Variants in GABRG3 observed in about 807,000 individuals in gnomAD.
GABRG3 encodes gamma-aminobutyric acid type A receptor subunit gamma3.
Under a neutral mutation model 48.8 loss-of-function variants are expected in GABRG3, and 25 were observed. The observed-to-expected ratio is 0.51, with a 90% confidence interval of 0.37 to 0.72. The LOEUF (loss-of-function observed/expected upper bound fraction) is 0.72. Among genes scored for constraint, GABRG3 ranks in the 30% least tolerant of loss-of-function variants. GABRG3 has a pLI of 0.00. For missense variants in GABRG3, 394 were observed against 577.9 expected (o/e 0.68, Z 3.26); for synonymous variants, 227 against 217.6 (o/e 1.04, Z -0.38).
chr15:27,343,250 A>C (rs1413239523), intron 5 of GABRG3, among the ~76,000 whole-genome samples: 3 of 152,104 alleles, frequency 2.0e-5, no homozygotes, highest in African/African-American at 7.2e-5. Context: ...TGGCGTGCAG[A>C]AGTCCCTGTG....
At position 27,456,820 on chromosome 15, in the gene GABRG3, G is replaced by C. The variant is rs139635356; in HGVS notation, c.575-23830G>C. ...ATCAGGGCCCCTCCCTAGGAGGCTT[G>C]CTGCCCGTGCCAGGAGGAGCCCAAA... On this transcript the variant is annotated intron_variant, in intron 5 of 9. Coordinates refer to ENST00000615808, the MANE Select transcript of GABRG3 (RefSeq NM_033223.5). 6.4e-3 allele frequency among the ~76,000 whole-genome samples: 972 copies of C among 152,250 alleles called. 12 individuals are homozygous for C. Among genetic ancestry groups the C allele is most frequent in the African/African-American group, 0.022 (925 of 41,550 alleles).
Position 27,113,439 on chromosome 15 carries a change from AAG to A in GABRG3, c.270+86621_270+86622del, listed in dbSNP as rs1595532178. ...CATGTCATGACATAGAATACCAAAG[AAG>A]AGTTACCGGATGGTGAATGCAGAAA... On this transcript the variant is annotated intron_variant, in intron 3 of 9. Transcript: ENST00000615808. Among the ~76,000 whole-genome samples the A allele has an allele frequency of 2.0e-5, 3 of 152,280 alleles. No individual in the cohort carries two copies. The East Asian group carries it at 5.8e-4, about 29-fold the overall frequency.
chr15:27,166,854 AAGATGAT>A (rs1410649274), intron 3 of GABRG3, among the ~76,000 whole-genome samples: 1 of 152,198 alleles, frequency 6.6e-6, no homozygotes, highest in Admixed American at 6.5e-5. Context: ...ACGTATTTTA[AAGATGAT>A]AGGATGTCTC....
chr15:27,251,415 G>A lies in GABRG3; in HGVS notation c.271-75394G>A, dbSNP rs545202471. ...TATCTTCTGCTCAGAGACGCAAAGG[G>A]AGCCCAGGAAACTTGGACAGTGTAG... is the stretch of plus-strand genomic sequence containing the variant. On this transcript the variant is annotated intron_variant, in intron 3 of 9. Transcript: ENST00000615808. 5.3e-5 allele frequency among the ~76,000 whole-genome samples: 8 copies of A among 152,236 alleles called. No homozygotes were observed. The East Asian group carries it at 1.6e-3, about 30-fold the overall frequency.
chr15:27,093,383 G>A (rs932951634), intron 3 of GABRG3, among the ~76,000 whole-genome samples: 3 of 152,104 alleles, frequency 2.0e-5, no homozygotes, highest in East Asian at 1.9e-4. Context: ...TGAGAAGAGC[G>A]TATGAAGCAC....
In GABRG3 at chr15:27,308,168, A is replaced by G. The variant is rs1566773263; in HGVS notation, c.271-18641A>G. 1.7e-3 allele frequency among the ~76,000 whole-genome samples: 22 copies of G among 13,158 alleles called. No homozygotes were observed. The East Asian group carries it at 0.029, about 17-fold the overall frequency. 8.6% of individuals were successfully genotyped at this position (13,158 alleles called of 152,430 possible). Reference sequence around the variant, plus strand: ...TACATCCAAACATATATAAACATATATGTTTATATATCCAAACATATATAA... The same window carrying G: ...TACATCCAAACATATATAAACATATGTGTTTATATATCCAAACATATATAA... On this transcript the variant is annotated intron_variant, in intron 3 of 9. Transcript: ENST00000615808.
rs1894899580 is a variant in GABRG3, at chr15:26,974,428, T to C, written c.54-2574T>C. ...AAAGCTGGTTACTGTGCTCGGTTTG[T>C]GTGTATGTGATTATCAGGGCCATAG... On this transcript the variant is annotated intron_variant, in intron 1 of 9. Transcript: ENST00000615808. This position sits in a 1 kb window ranked among gnomAD's most constrained non-coding sequence, Gnocchi z 4.3. Among the ~76,000 whole-genome samples the C allele has an allele frequency of 6.6e-6, 1 of 151,844 alleles. No individual in the cohort carries two copies.
At chr15:27,438,658 C>T (rs1235725688) in intron 5 of GABRG3, among the ~76,000 whole-genome samples, 1 of 152,216 alleles carries the variant, frequency 6.6e-6, no homozygotes, top group Non-Finnish European at 1.5e-5. Context: ...CTCCGGGTGT[C>T]CTTCTGCCTT....
At chr15:27,059,945 A>G (rs1308697134) in intron 3 of GABRG3, among the ~76,000 whole-genome samples, 3 of 152,212 alleles carry the variant, frequency 2.0e-5, no homozygotes, top group Admixed American at 6.5e-5. Context: ...AGAAAGAACA[A>G]TGTTCTCTTT....
At chr15:27,349,246 A>C (rs1391147349) in intron 5 of GABRG3, among the ~76,000 whole-genome samples, 1 of 152,140 alleles carries the variant, frequency 6.6e-6, no homozygotes, top group Non-Finnish European at 1.5e-5. Context: ...CGGTATGTAT[A>C]AATTATATAT....
At chr15:27,403,600 G>A (rs1162945864) in intron 5 of GABRG3, among the ~76,000 whole-genome samples, 1 of 152,080 alleles carries the variant, frequency 6.6e-6, no homozygotes, top group Admixed American at 6.5e-5. Context: ...AGAAGACAAC[G>A]GAGTGAATTC....
intron 3 of GABRG3, among the ~76,000 whole-genome samples, chr15:27,315,157 T>C (rs1893168572): frequency 6.6e-6 from 1 of 152,196 alleles, no homozygotes; most frequent in Non-Finnish European, 1.5e-5. Context: ...AATAATGTCT[T>C]TTATTTTAAA....
intron 3 of GABRG3, among the ~76,000 whole-genome samples, chr15:27,120,308 C>T (rs574817965): frequency 1.3e-5 from 2 of 152,286 alleles, no homozygotes; most frequent in Admixed American, 6.5e-5. Flanking sequence ...TTGTATGTTG[C>T]TGTTGTTTAT....
At chr15:27,360,761 G>A (rs1055446189) in intron 5 of GABRG3, among the ~76,000 whole-genome samples, 3 of 152,200 alleles carry the variant, frequency 2.0e-5, no homozygotes, top group Admixed American at 1.3e-4. Context: ...ATGACCCTGG[G>A]AAGCTCAAGG....
chr15:27,098,784 A>T (rs1406299444), intron 3 of GABRG3, among the ~76,000 whole-genome samples: 1 of 151,894 alleles, frequency 6.6e-6, no homozygotes, highest in African/African-American at 2.4e-5. Context: ...AAACATAAAA[A>T]CCCTCAATAT....
At chr15:27,385,658 G>A (rs1895900187) in intron 5 of GABRG3, among the ~76,000 whole-genome samples, 1 of 152,066 alleles carries the variant, frequency 6.6e-6, no homozygotes, top group African/African-American at 2.4e-5. Flanking sequence ...CTGCTGTTGA[G>A]TTCCTCCAGT....
At chr15:27,216,361 A>T (rs1313275513) in intron 3 of GABRG3, among the ~76,000 whole-genome samples, 1 of 152,230 alleles carries the variant, frequency 6.6e-6, no homozygotes, top group Non-Finnish European at 1.5e-5. Flanking sequence ...GAACATGGGA[A>T]AGAGGCAGCT....
chr15:27,074,330 G>T lies in GABRG3; in HGVS notation c.270+47509G>T, dbSNP rs541289578. The stretch of plus-strand genomic sequence containing the variant: ...GCCTTTTCTGACAAGGCTGTGTTTC[G>T]TCAGAGCCCCAAGAGAGAGAGTGTT... On this transcript the variant is annotated intron_variant, in intron 3 of 9. Coordinates refer to ENST00000615808, the MANE Select transcript of GABRG3 (RefSeq NM_033223.5). Among the ~76,000 whole-genome samples the T allele has an allele frequency of 2.8e-5, 4 of 144,050 alleles. No homozygotes were observed. The East Asian group carries it at 8.0e-4, about 29-fold the overall frequency. 94.5% of individuals were successfully genotyped at this position (144,050 alleles called of 152,430 possible).
intron 3 of GABRG3, among the ~76,000 whole-genome samples, chr15:27,227,990 A>C (rs1297324608): frequency 1.3e-5 from 2 of 152,240 alleles, no homozygotes; most frequent in Non-Finnish European, 2.9e-5. Context: ...TAAATGAAGG[A>C]TAATGCTTAG....
Sources: gnomAD v4.1 joint callset for allele counts (sites outside exome capture counted in the v4.1 genomes callset) on GRCh38, gnomAD v4.1.1 for gene constraint, Gnocchi (gnomAD v3.1) non-coding constraint, MANE v1.5 for transcripts, NCBI Gene and HGNC (gene_info 2026-07-23, HGNC 2026-07-21) for gene names.